The following API5 variants were observed in gnomAD, a reference collection of about 807,000 sequenced individuals.
API5 encodes FIF.
A neutral mutation model predicts 71.9 loss-of-function variants in API5; 6 were observed. The ratio of observed to expected loss-of-function variants is 0.08; its 90% confidence interval spans 0.05 to 0.16. API5 has a LOEUF of 0.16. Among genes scored for constraint, API5 ranks in the 10% least tolerant of loss-of-function variants. The pLI is 1.00. For missense variants in API5, 332 were observed against 612.8 expected (o/e 0.54, Z 4.84); for synonymous variants, 189 against 221.3 (o/e 0.85, Z 1.30).
intron 2 of API5, among the ~76,000 whole-genome samples, chr11:43,320,158 G>C (rs890967378): frequency 3.4e-5 from 5 of 147,778 alleles, no homozygotes; most frequent in African/African-American, 5.0e-5. Context: ...CGATTCTTCT[G>C]TCTTAGCCTC....
At chr11:43,323,309 T>C in intron 5 of API5, 121 bp from the exon 6 acceptor site, 2 of 939,780 alleles carry the variant, frequency 2.1e-6, no homozygotes, top group South Asian at 3.3e-5. Flanking sequence ...CGTCAGTATT[T>C]TGGAAGCATT....
At position 43,332,136 on chromosome 11, in the gene API5, G is replaced by C. The variant is rs1346622226; in HGVS notation, c.1278+1572G>C. 2.6e-5 allele frequency: 4 copies of C among 152,180 alleles called. No homozygotes were observed. In the East Asian group the frequency reaches 7.7e-4, roughly 29 times the overall value. 9.4% of individuals were successfully genotyped at this position (152,180 alleles called of 1,614,324 possible). A position where few individuals can be genotyped will look rare whatever the true frequency, so the allele number is the denominator to read the frequency against. Reference sequence around the variant, plus strand: ...GAGATGAATAGGGTCAGCAACCTGTGTGTAGAGTGCTCTGTGAATATAGGA... The same window carrying C: ...GAGATGAATAGGGTCAGCAACCTGTCTGTAGAGTGCTCTGTGAATATAGGA... On this transcript the variant is annotated intron_variant, in intron 11 of 13. Transcript: ENST00000531273.
rs1417537593 is a variant in API5 at position 43,340,895 on chromosome 11, CTG to C, written c.1493-1532_1493-1531del. On this transcript the variant is annotated intron_variant, in intron 13 of 13. Transcript: ENST00000531273. ...ATTGGTCTGGGAAAAGATTTTATGA[CTG>C]AGACCTAAAAGCACAGGCAACAAAA... 5.3e-5 allele frequency among the ~76,000 whole-genome samples: 8 copies of C among 152,226 alleles called. No homozygotes were observed. In the South Asian group the frequency reaches 1.4e-3, roughly 28 times the overall value.
At chr11:43,333,364 T>C (rs1855321562) in intron 11 of API5, among the ~76,000 whole-genome samples, 1 of 152,172 alleles carries the variant, frequency 6.6e-6, no homozygotes, top group African/African-American at 2.4e-5. Context: ...AGTGTGAGAT[T>C]GGCCATCTGG....
chr11:43,318,791 A>T lies in API5; in HGVS notation c.221A>T (p.Glu74Val). 1 of 1,612,444 alleles carries T rather than the reference A, an allele frequency of 6.2e-7. No individual in the cohort carries two copies. The highest frequency in any genetic ancestry group is 8.5e-7 in the Non-Finnish European group (1 of 1,179,636). ...GCACAGTTAGACCTCTGTGAGGATG[A>T]AGATGTATCTGTAAGTTTATGAATG... ...INAQLDLCED[E>V]DVSIRRQAIK... The change falls in exon 2 of 14, where the codon GAA (glutamate) becomes GTA (valine). Residue 74 changes from glutamate (E) to valine (V), a missense_variant. This residue lies in a region of API5 where 127 missense variants were observed against 237.6 expected (regional missense o/e 0.53). Transcript: ENST00000531273.
Position 43,342,729 on chromosome 11 carries a change from T to C in API5, c.*219T>C. 1.5e-6 allele frequency: 1 copy of C among 664,688 alleles called. No homozygotes were observed. Among genetic ancestry groups the C allele is most frequent in the Non-Finnish European group, 2.7e-6 (1 of 366,352 alleles). 41.2% of individuals were successfully genotyped at this position (664,688 alleles called of 1,614,324 possible). A position where few individuals can be genotyped will look rare whatever the true frequency, so the allele number is the denominator to read the frequency against. On this transcript the variant is annotated 3_prime_UTR_variant, in exon 14 of 14. Coordinates refer to ENST00000531273, the MANE Select transcript of API5 (RefSeq NM_001142930.2). ...ATTTTTGGATGCTTTGTCTGCAATC[T>C]TGACTTGTTTTTGCAGTATCATTAT... is the stretch of plus-strand genomic sequence containing the variant.
chr11:43,324,844 A>AT (rs1855015076), intron 6 of API5, among the ~76,000 whole-genome samples: 1 of 151,778 alleles, frequency 6.6e-6, no homozygotes, highest in South Asian at 2.1e-4. Flanking sequence ...CACCCAGCTG[A>AT]TTTTTTGTAT....
In API5 at chr11:43,335,981, C is replaced by T; in HGVS notation, c.1479C>T (p.Gly493=). Residue 493 remains glycine, a synonymous_variant, in exon 13 of 14, where the codon GGC becomes GGT. Transcript: ENST00000531273. ...PPSGKYSSNL[G]NFNYEQRGAF... is the part of the protein sequence containing the mutation. ...GTGGGAAATATAGCAGCAATTTGGG[C>T]AACTTTAATTATGGTGAGCGTTTCC... is the stretch of plus-strand genomic sequence containing the variant. The T allele has an allele frequency of 1.2e-6, 2 of 1,613,930 alleles. No individual in the cohort carries two copies. The highest frequency in any genetic ancestry group is 1.7e-6 in the Non-Finnish European group (2 of 1,179,960).
chr11:43,326,759 G>A lies in API5; in HGVS notation c.855+148G>A, dbSNP rs535474731. 7.7e-6 allele frequency: 4 copies of A among 516,428 alleles called. No individual in the cohort carries two copies. In the Admixed American group the frequency reaches 1.1e-4, roughly 15 times the overall value. The allele number at this position is 516,428 out of a possible 1,614,324, so 32.0% of individuals were successfully genotyped here. On this transcript the variant is annotated intron_variant, in intron 7 of 13. Transcript: ENST00000531273. ...TAATCTCCCTAGACCAGAATTAATT[G>A]CATTAGGACTGCTTCATGGATTCAA...
In API5 at chr11:43,312,072, G is replaced by C. The variant is rs1854489666; in HGVS notation, c.-56G>C. ...GGGTTTGGAGAAGTTCCGAGGCGGC[G>C]GTGGCGCCGGTCAGGACAAGGATAG... On this transcript the variant is annotated 5_prime_UTR_variant, in exon 1 of 14. Coordinates refer to ENST00000531273, the MANE Select transcript of API5 (RefSeq NM_001142930.2). 1 of 1,596,668 alleles carries C rather than the reference G, an allele frequency of 6.3e-7. No homozygotes were observed. Among genetic ancestry groups the C allele is most frequent in the Non-Finnish European group, 8.6e-7 (1 of 1,167,188 alleles).
At position 43,312,127 on chromosome 11, in the gene API5, C is replaced by T. The variant is rs772539454; in HGVS notation, c.-1C>T. The T allele has an allele frequency of 1.2e-6, 2 of 1,613,766 alleles. No homozygotes were observed. Among genetic ancestry groups the T allele is most frequent in the South Asian group, 1.1e-5 (1 of 91,070 alleles). The stretch of plus-strand genomic sequence containing the variant: ...ACCGGGCCCTGGGCTTGTCGCTCAC[C>T]ATGCCGACAGTAGAGGAGCTTTACC... On this transcript the variant is annotated 5_prime_UTR_variant, in exon 1 of 14. Coordinates refer to ENST00000531273, the MANE Select transcript of API5 (RefSeq NM_001142930.2).
At chr11:43,341,047 A>C (rs556469221) in intron 13 of API5, among the ~76,000 whole-genome samples, 1 of 152,364 alleles carries the variant, frequency 6.6e-6, no homozygotes, top group Admixed American at 6.5e-5. Context: ...ATTAATATTC[A>C]GAATATAGAA....
intron 1 of API5, among the ~76,000 whole-genome samples, chr11:43,318,006 T>TTTG (rs1254009361): frequency 9.9e-5 from 3 of 30,240 alleles, no homozygotes; most frequent in African/African-American, 2.2e-4. Context: ...TGTTTGTTTG[T>TTTG]TTTGTTTTGT....
rs1292218807 is a variant in API5 at position 43,312,106 on chromosome 11, G to T, written c.-22G>T. ...GGTCAGGACAAGGATAGCGGAACCG[G>T]GCCCTGGGCTTGTCGCTCACCATGC... On this transcript the variant is annotated 5_prime_UTR_variant, in exon 1 of 14. Coordinates refer to ENST00000531273, the MANE Select transcript of API5 (RefSeq NM_001142930.2). The T allele has an allele frequency of 6.2e-7, 1 of 1,613,008 alleles. No individual in the cohort carries two copies. Among genetic ancestry groups the T allele is most frequent in the Non-Finnish European group, 8.5e-7 (1 of 1,179,816 alleles).
chr11:43,321,371 A>T (rs1274792631), intron 3 of API5, 40 bp from the exon 4 acceptor site: 1 of 1,517,144 alleles, frequency 6.6e-7, no homozygotes, highest in Non-Finnish European at 9.1e-7. Flanking sequence ...GATATTTTAA[A>T]TTTGTTTTAT....
intron 2 of API5, among the ~76,000 whole-genome samples, chr11:43,320,008 T>C (rs1273551699): frequency 1.3e-5 from 2 of 152,102 alleles, no homozygotes; most frequent in East Asian, 3.9e-4. Context: ...TTTTATTCTG[T>C]GTAACTTGAA....
At chr11:43,319,688 C>T (rs552456180) in intron 2 of API5, among the ~76,000 whole-genome samples, 14 of 152,310 alleles carry the variant, frequency 9.2e-5, no homozygotes, top group African/African-American at 2.9e-4. Flanking sequence ...ATTGGGATTA[C>T]AGGCGTGAGC....
At chr11:43,329,485 A>G (rs1195122992) in intron 9 of API5, 2 of 154,744 alleles carry the variant, frequency 1.3e-5, no homozygotes, top group Non-Finnish European at 2.9e-5. Flanking sequence ...GGCTCCCCCA[A>G]ATTTTTCTCA....
chr11:43,335,191 A>T, intron 11 of API5, 87 bp from the exon 12 acceptor site: 1 of 902,304 alleles, frequency 1.1e-6, no homozygotes, highest in Non-Finnish European at 1.8e-6. Flanking sequence ...TTGAATCTTT[A>T]AGATCTGTCT....
Sources: gnomAD v4.1 joint callset for allele counts (sites outside exome capture counted in the v4.1 genomes callset) on GRCh38, gnomAD v4.1.1 for gene constraint, gnomAD v4.1.1 regional missense constraint, MANE v1.5 for transcripts, NCBI Gene and HGNC (gene_info 2026-07-23, HGNC 2026-07-21) for gene names.